The following SLCO1A2 variants were observed in gnomAD, a reference collection of about 807,000 sequenced individuals.
SLCO1A2 encodes solute carrier organic anion transporter family member 1A2.
SLCO1A2 carries 67 observed loss-of-function variants against 69.0 expected under a neutral mutation model. That is an observed-to-expected ratio of 0.97 (90% confidence interval 0.80 to 1.19). The LOEUF is 1.19. Ranked by LOEUF, SLCO1A2 falls within the 50% of genes most tolerant of loss-of-function variation. SLCO1A2 has a pLI of 0.00. For synonymous variants in SLCO1A2, 260 were observed against 265.9 expected (o/e 0.98, Z 0.22); for missense variants, 787 against 793.7 (o/e 0.99, Z 0.10).
intron 1 of SLCO1A2, among the ~76,000 whole-genome samples, chr12:21,403,085 T>C (rs1941759195): frequency 6.6e-6 from 1 of 152,128 alleles, no homozygotes; most frequent in Admixed American, 6.6e-5. Context: ...AAAGGGACTT[T>C]CCAGGCCAAT....
intron 12 of SLCO1A2, among the ~76,000 whole-genome samples, chr12:21,288,617 A>G (rs1946347952): frequency 6.6e-6 from 1 of 152,162 alleles, no homozygotes; most frequent in South Asian, 2.1e-4. Flanking sequence ...TAGAGTGACT[A>G]TAGTGGAAAA....
chr12:21,403,943 G>A lies in SLCO1A2; in HGVS notation c.-312+13939C>T, dbSNP rs563972629. Among the ~76,000 whole-genome samples, 90 of 152,090 alleles carry A rather than the reference G, an allele frequency of 5.9e-4. No homozygotes were observed. The Middle Eastern group carries it at 0.027, about 46-fold the overall frequency. On this transcript the variant is annotated intron_variant, in intron 1 of 4. Transcript: ENST00000413682. ...AGTAAACTGACACACATATATTTGA[G>A]CATGAGTTCAACTTTCAGTGTAGCT...
At chr12:21,362,092 G>A (rs976038061) in intron 2 of SLCO1A2, among the ~76,000 whole-genome samples, 1 of 152,092 alleles carries the variant, frequency 6.6e-6, no homozygotes, top group Non-Finnish European at 1.5e-5. Context: ...ACACATAATT[G>A]TCAGATTCAC....
chr12:21,308,238 T>C (rs375403652), intron 4 of SLCO1A2, among the ~76,000 whole-genome samples: 2 of 152,032 alleles, frequency 1.3e-5, no homozygotes, highest in African/African-American at 4.8e-5. Context: ...TCAAACAGAA[T>C]GGGGAAAGGC....
intron 1 of SLCO1A2, among the ~76,000 whole-genome samples, chr12:21,403,010 A>C (rs941525065): frequency 6.6e-6 from 1 of 152,146 alleles, no homozygotes; most frequent in African/African-American, 2.4e-5. Flanking sequence ...AGAGAGAGAG[A>C]CATGTGAAGA....
At chr12:21,417,348 G>C (rs1264762772) in intron 1 of SLCO1A2, among the ~76,000 whole-genome samples, 1 of 150,820 alleles carries the variant, frequency 6.6e-6, no homozygotes, top group Admixed American at 6.6e-5. Context: ...TTTTCAAAAG[G>C]AGTAATGAAT....
chr12:21,271,714 C>T, intron 14 of SLCO1A2, among the ~76,000 whole-genome samples: 1 of 144,030 alleles, frequency 6.9e-6, no homozygotes, highest in East Asian at 2.0e-4. Context: ...TGTGTATATA[C>T]ATGTGAATAT....
chr12:21,269,662 G>A lies in SLCO1A2; in HGVS notation c.1899C>T (p.Ala633=). 6.2e-7 allele frequency: 1 copy of A among 1,612,594 alleles called. No individual in the cohort carries two copies. Among genetic ancestry groups the A allele is most frequent in the Non-Finnish European group, 8.5e-7 (1 of 1,179,064 alleles). Residue 633 remains alanine (A), a synonymous_variant, in exon 15 of 15, where the codon GCC becomes GCT. Coordinates refer to ENST00000683939, the MANE Select transcript of SLCO1A2 (RefSeq NM_001386879.1). Reference sequence around the variant, plus strand: ...TCTCTATAAGCTCTGTTCCTGAAGAGGCATTTTCACCAGGTAGATGACACT... The same window carrying A: ...TCTCTATAAGCTCTGTTCCTGAAGAAGCATTTTCACCAGGTAGATGACACT... ...LRKCHLPGEN[A]SSGTELIETK... is the part of the protein sequence containing the mutation.
intron 1 of SLCO1A2, among the ~76,000 whole-genome samples, chr12:21,405,799 G>A (rs930672761): frequency 3.9e-5 from 6 of 152,118 alleles, no homozygotes; most frequent in African/African-American, 1.4e-4. Flanking sequence ...TATTTTAAAG[G>A]GAGAAACAAG....
intron 2 of SLCO1A2, among the ~76,000 whole-genome samples, chr12:21,371,779 G>C (rs1939811080): frequency 6.6e-6 from 1 of 152,102 alleles, no homozygotes; most frequent in Non-Finnish European, 1.5e-5. Flanking sequence ...GAAGTGGGCG[G>C]ATCACCTGAG....
At chr12:21,289,688 G>A (rs1946527631) in intron 12 of SLCO1A2, among the ~76,000 whole-genome samples, 1 of 151,702 alleles carries the variant, frequency 6.6e-6, no homozygotes. Flanking sequence ...CCTGAGTTCT[G>A]TGAACCATTC....
At chr12:21,392,151 TG>T in intron 1 of SLCO1A2, among the ~76,000 whole-genome samples, 1 of 152,284 alleles carries the variant, frequency 6.6e-6, no homozygotes, top group South Asian at 2.1e-4. Context: ...GTATCTTTGG[TG>T]GGGTAAATGC....
At chr12:21,333,478 G>A (rs945540204) in intron 2 of SLCO1A2, among the ~76,000 whole-genome samples, 4 of 152,180 alleles carry the variant, frequency 2.6e-5, no homozygotes, top group Admixed American at 6.6e-5. Context: ...TGCTTAATGA[G>A]TATATTTCTA....
intron 4 of SLCO1A2, among the ~76,000 whole-genome samples, chr12:21,312,756 C>A (rs562565978): frequency 6.6e-6 from 1 of 152,028 alleles, no homozygotes; most frequent in Non-Finnish European, 1.5e-5. Context: ...GCAGTCAGAA[C>A]ACACACAACA....
intron 1 of SLCO1A2, among the ~76,000 whole-genome samples, chr12:21,383,627 T>C (rs1940721385): frequency 6.6e-6 from 1 of 152,224 alleles, no homozygotes; most frequent in African/African-American, 2.4e-5. Flanking sequence ...TAAGAGTCTA[T>C]GTAAATACAG....
intron 11 of SLCO1A2, among the ~76,000 whole-genome samples, chr12:21,292,933 A>G (rs1319939596): frequency 6.6e-6 from 1 of 152,232 alleles, no homozygotes; most frequent in Non-Finnish European, 1.5e-5. Flanking sequence ...ACAACACTAC[A>G]TTGGACAAAC....
At chr12:21,286,360 G>A (rs1945791692) in intron 12 of SLCO1A2, among the ~76,000 whole-genome samples, 2 of 142,978 alleles carry the variant, frequency 1.4e-5, no homozygotes, top group South Asian at 4.9e-4. Flanking sequence ...AAATAAAAGA[G>A]GATACAAACA....
intron 2 of SLCO1A2, among the ~76,000 whole-genome samples, chr12:21,363,136 T>C (rs904737128): frequency 1.3e-5 from 2 of 152,162 alleles, no homozygotes; most frequent in African/African-American, 2.4e-5. Context: ...ATGGACCACA[T>C]AGTTGGAAGT....
intron 1 of SLCO1A2, among the ~76,000 whole-genome samples, chr12:21,412,970 C>T (rs776140703): frequency 1.2e-4 from 19 of 152,170 alleles, no homozygotes; most frequent in South Asian, 2.1e-4. Flanking sequence ...CCAGTTCTGC[C>T]AGATATGTGT....
Sources: allele counts gnomAD v4.1 joint callset (sites outside exome capture counted in the v4.1 genomes callset), GRCh38; gene constraint gnomAD v4.1.1; transcripts MANE v1.5; gene names NCBI Gene and HGNC (gene_info 2026-07-23, HGNC 2026-07-21).